The following TMEM117 variants were observed in gnomAD, a reference collection of about 807,000 sequenced individuals.
TMEM117 encodes the protein transmembrane protein 117.
TMEM117 carries 27 observed loss-of-function variants against 52.4 expected under a neutral mutation model. That is an observed-to-expected ratio of 0.51 (90% CI 0.38 to 0.71). The LOEUF (loss-of-function observed/expected upper bound fraction) is 0.71. Ranked by LOEUF, TMEM117 falls within the 30% of genes least tolerant of loss-of-function variation. The pLI is 0.00. For missense variants in TMEM117, 556 were observed against 630.5 expected (o/e 0.88, Z 1.26); for synonymous variants, 215 against 206.3 (o/e 1.04, Z -0.36).
In TMEM117 at chr12:44,339,749, G is replaced by GA. The variant is rs1431041873; in HGVS notation, c.769-36840dup. ...TAAAAATTTCTGCTGAGGTATATAA[G>GA]AAAAAATGTATAAAAAGTACTTTGC... On this transcript the variant is annotated intron_variant, in intron 6 of 7. Transcript: ENST00000266534. 2.6e-5 allele frequency among the ~76,000 whole-genome samples: 4 copies of GA among 151,670 alleles called. No individual in the cohort carries two copies. The East Asian group carries it at 5.8e-4, about 22-fold the overall frequency.
intron 2 of TMEM117, among the ~76,000 whole-genome samples, chr12:43,914,492 G>A (rs995751985): frequency 2.0e-5 from 3 of 152,100 alleles, no homozygotes; most frequent in Non-Finnish European, 2.9e-5. Flanking sequence ...ACACTGTGCC[G>A]GGAATTCAGT....
intron 2 of TMEM117, among the ~76,000 whole-genome samples, chr12:43,845,937 A>G (rs1169634176): frequency 6.6e-6 from 1 of 152,224 alleles, no homozygotes; most frequent in Non-Finnish European, 1.5e-5. Context: ...TAGAGAAGAT[A>G]TGAACATGAA....
intron 2 of TMEM117, among the ~76,000 whole-genome samples, chr12:43,906,444 G>A (rs2407783): frequency 2.7e-5 from 4 of 150,486 alleles, no homozygotes; most frequent in African/African-American, 9.8e-5. Context: ...GCCTGGGTGA[G>A]GGAGTGAGAC....
chr12:44,352,464 G>A (rs1198424779), intron 6 of TMEM117, among the ~76,000 whole-genome samples: 2 of 151,764 alleles, frequency 1.3e-5, no homozygotes, highest in African/African-American at 2.4e-5. Context: ...CCCCACAACA[G>A]TCCCCGGAGT....
At chr12:44,078,123 G>A (rs963057974) in intron 3 of TMEM117, among the ~76,000 whole-genome samples, 21 of 152,076 alleles carry the variant, frequency 1.4e-4, no homozygotes, top group Non-Finnish European at 2.9e-4. Context: ...AGTAAATGAC[G>A]TAATTATCCA....
intron 2 of TMEM117, among the ~76,000 whole-genome samples, chr12:43,936,946 GC>G (rs749774934): frequency 4.3e-4 from 65 of 152,236 alleles, no homozygotes; most frequent in Non-Finnish European, 7.9e-4. Flanking sequence ...AACTTAAGAG[GC>G]CTCAGAGGTG....
intron 3 of TMEM117, among the ~76,000 whole-genome samples, chr12:44,045,825 C>T (rs1025449730): frequency 2.0e-5 from 3 of 152,018 alleles, no homozygotes; most frequent in East Asian, 1.9e-4. Flanking sequence ...CCTGGGCGAC[C>T]GTGCGAGACT....
intron 4 of TMEM117, among the ~76,000 whole-genome samples, chr12:44,200,598 T>TA (rs1353199420): frequency 1.3e-5 from 2 of 152,194 alleles, no homozygotes; most frequent in African/African-American, 2.4e-5. Context: ...AATTTTGTTT[T>TA]AAAATAGAGA....
chr12:44,318,008 C>T (rs1337258801), intron 6 of TMEM117, among the ~76,000 whole-genome samples: 1 of 152,152 alleles, frequency 6.6e-6, no homozygotes, highest in Non-Finnish European at 1.5e-5. Flanking sequence ...AGCTTGGTAA[C>T]CTGCTTGGCC....
chr12:43,885,267 C>A (rs1315732622), intron 2 of TMEM117, among the ~76,000 whole-genome samples: 1 of 152,160 alleles, frequency 6.6e-6, no homozygotes, highest in Non-Finnish European at 1.5e-5. Context: ...TGTAAGGACA[C>A]TGTTTTGAGA....
chr12:44,245,011 C>G (rs1299475926), intron 5 of TMEM117, among the ~76,000 whole-genome samples: 2 of 151,864 alleles, frequency 1.3e-5, no homozygotes, highest in Non-Finnish European at 2.9e-5. Context: ...AATTGGTTGG[C>G]TTATTCCTAG....
chr12:43,856,847 C>G (rs566015716), intron 2 of TMEM117, among the ~76,000 whole-genome samples: 12 of 152,090 alleles, frequency 7.9e-5, no homozygotes, highest in African/African-American at 2.9e-4. Context: ...CTTAAAAAGA[C>G]ATGAGATAGA....
intron 3 of TMEM117, among the ~76,000 whole-genome samples, chr12:44,028,171 T>A (rs1946574288): frequency 6.6e-6 from 1 of 152,154 alleles, no homozygotes; most frequent in African/African-American, 2.4e-5. Context: ...CCAGCCTGGG[T>A]GACAGAGCGA....
chr12:43,929,352 C>G (rs1045402715), intron 2 of TMEM117, among the ~76,000 whole-genome samples: 1 of 151,840 alleles, frequency 6.6e-6, no homozygotes, highest in Non-Finnish European at 1.5e-5. Flanking sequence ...TACTTTTATT[C>G]ATTTAGTGAT....
chr12:43,979,258 G>A (rs1365570348), intron 3 of TMEM117, among the ~76,000 whole-genome samples: 2 of 151,996 alleles, frequency 1.3e-5, no homozygotes, highest in Non-Finnish European at 1.5e-5. Context: ...TACTTTCTCA[G>A]GTACTATGAT....
chr12:44,027,126 T>G (rs1432113090), intron 3 of TMEM117, among the ~76,000 whole-genome samples: 2 of 143,576 alleles, frequency 1.4e-5, no homozygotes, highest in East Asian at 4.0e-4. Context: ...CTTATTATTT[T>G]ATTTTATATT....
intron 3 of TMEM117, among the ~76,000 whole-genome samples, chr12:43,973,298 T>C (rs1389696320): frequency 2.6e-5 from 4 of 151,832 alleles, no homozygotes; most frequent in Non-Finnish European, 5.9e-5. Context: ...TGGAGAAAAA[T>C]AATTCAGTCG....
intron 6 of TMEM117, among the ~76,000 whole-genome samples, chr12:44,348,792 T>C (rs1382175386): frequency 6.6e-6 from 1 of 151,828 alleles, no homozygotes; most frequent in Non-Finnish European, 1.5e-5. Context: ...CCTCAAGACA[T>C]AGAAGTGTGA....
intron 5 of TMEM117, among the ~76,000 whole-genome samples, chr12:44,287,039 T>C (rs1950647137): frequency 6.6e-6 from 1 of 152,180 alleles, no homozygotes. Context: ...AGTGCACATA[T>C]GCATTCACAC....
Sources: allele counts gnomAD v4.1 joint callset (sites outside exome capture counted in the v4.1 genomes callset), GRCh38; gene constraint gnomAD v4.1.1; transcripts MANE v1.5; gene names NCBI Gene and HGNC (gene_info 2026-07-23, HGNC 2026-07-21).